NOL4: variants seen among roughly 807,000 people sequenced by gnomAD.
NOL4 encodes the protein cancer/testis antigen 125.
NOL4 carries 17 observed loss-of-function variants against 75.9 expected under a neutral mutation model. The ratio of observed to expected loss-of-function variants is 0.22; its 90% CI spans 0.15 to 0.34. The LOEUF (loss-of-function observed/expected upper bound fraction) is 0.34, where lower values mean the gene tolerates loss of function less well. Ranked by LOEUF, NOL4 falls within the 10% of genes least tolerant of loss-of-function variation. The probability of loss-of-function intolerance (pLI) is 1.00; values close to 1 mark genes in which losing one functional copy is unlikely to be tolerated. For missense variants in NOL4, 614 were observed against 793.5 expected, an observed-to-expected ratio of 0.77 and a Z score of 2.72; for synonymous variants, 292 against 289.9, an observed-to-expected ratio of 1.01 and a Z score of -0.07.
chr18:34,088,264 A>C (rs2145483150), intron 5 of NOL4, among the ~76,000 whole-genome samples: 1 of 152,222 alleles, frequency 6.6e-6, no homozygotes, highest in South Asian at 2.1e-4. Flanking sequence ...TTCTTTTGCC[A>C]GATATTTTTT....
intron 9 of NOL4, among the ~76,000 whole-genome samples, chr18:33,895,189 GA>G (rs2065325485): frequency 6.6e-6 from 1 of 151,868 alleles, no homozygotes; most frequent in Non-Finnish European, 1.5e-5. Context: ...TAGGCTTAAA[GA>G]AAAATACAAA....
At chr18:33,954,046 G>A (rs1001948712) in intron 8 of NOL4, among the ~76,000 whole-genome samples, 1 of 152,088 alleles carries the variant, frequency 6.6e-6, no homozygotes, top group African/African-American at 2.4e-5. Flanking sequence ...GTCATCCTTT[G>A]GTATCTGTGT....
At chr18:34,073,234 G>T (rs984943896) in intron 5 of NOL4, among the ~76,000 whole-genome samples, 21 of 151,934 alleles carry the variant, frequency 1.4e-4, no homozygotes, top group Non-Finnish European at 2.9e-5. Context: ...GGAATGAAAG[G>T]TGATATGACT....
At chr18:33,886,140 A>T (rs1269093961) in intron 9 of NOL4, among the ~76,000 whole-genome samples, 1 of 152,126 alleles carries the variant, frequency 6.6e-6, no homozygotes, top group Non-Finnish European at 1.5e-5. Context: ...TTATGGACAT[A>T]GAGAGTAGAA....
chr18:33,998,445 A>G (rs2073449238), intron 6 of NOL4, among the ~76,000 whole-genome samples: 1 of 152,114 alleles, frequency 6.6e-6, no homozygotes, highest in Non-Finnish European at 1.5e-5. Context: ...GTCAGGAATA[A>G]CAGATGAAGG....
intron 9 of NOL4, among the ~76,000 whole-genome samples, chr18:33,934,867 T>TG (rs2067953232): frequency 6.7e-6 from 1 of 150,356 alleles, no homozygotes; most frequent in African/African-American, 2.4e-5. Flanking sequence ...AGCACGTTTT[T>TG]TTTTTTTTTT....
At chr18:33,947,419 TA>T (rs1363897214) in intron 8 of NOL4, among the ~76,000 whole-genome samples, 1 of 151,738 alleles carries the variant, frequency 6.6e-6, no homozygotes, top group Non-Finnish European at 1.5e-5. Flanking sequence ...AGAGTGGCCA[TA>T]AAACACAAAG....
At chr18:34,219,927 C>T (rs2037181471) in intron 1 of NOL4, among the ~76,000 whole-genome samples, 1 of 152,224 alleles carries the variant, frequency 6.6e-6, no homozygotes, top group South Asian at 2.1e-4. Flanking sequence ...GCAGTCTAAA[C>T]ATCAGTGGCA....
At chr18:34,062,594 A>G (rs1322956945) in intron 5 of NOL4, among the ~76,000 whole-genome samples, 1 of 152,138 alleles carries the variant, frequency 6.6e-6, no homozygotes, top group Non-Finnish European at 1.5e-5. Flanking sequence ...AAAATTTCTA[A>G]GAAATAAATT....
chr18:33,904,734 A>G (rs549495956), intron 9 of NOL4, among the ~76,000 whole-genome samples: 1 of 152,280 alleles, frequency 6.6e-6, no homozygotes, highest in South Asian at 2.1e-4. Context: ...CCAACCTGAT[A>G]TCATATCCCC....
chr18:33,954,006 T>C (rs1269406630), intron 8 of NOL4, among the ~76,000 whole-genome samples: 1 of 152,158 alleles, frequency 6.6e-6, no homozygotes, highest in African/African-American at 2.4e-5. Context: ...AAGGTGGTCA[T>C]GTGATCTTTA....
chr18:34,186,834 A>AAAC (rs202225072), intron 1 of NOL4, among the ~76,000 whole-genome samples: 1 of 152,184 alleles, frequency 6.6e-6, no homozygotes, highest in Non-Finnish European at 1.5e-5. Flanking sequence ...TTTTTTAAAA[A>AAAC]AACAACAACA....
chr18:34,126,993 A>C (rs563827177), intron 2 of NOL4, among the ~76,000 whole-genome samples: 3 of 152,072 alleles, frequency 2.0e-5, no homozygotes, highest in African/African-American at 7.2e-5. Context: ...ATACAAATGC[A>C]ATAAAGAGAC....
intron 6 of NOL4, among the ~76,000 whole-genome samples, chr18:33,974,055 T>C (rs2071294028): frequency 6.6e-6 from 1 of 152,210 alleles, no homozygotes; most frequent in Admixed American, 6.5e-5. Context: ...AAAGGCTATC[T>C]TGTCTACATT....
At chr18:33,874,698 A>G (rs974422671) in intron 10 of NOL4, among the ~76,000 whole-genome samples, 2 of 151,970 alleles carry the variant, frequency 1.3e-5, no homozygotes, top group Non-Finnish European at 2.9e-5. Flanking sequence ...TGAAAAGTAA[A>G]AGGGAGGTAA....
At chr18:33,945,088 T>C (rs1015739338) in intron 8 of NOL4, among the ~76,000 whole-genome samples, 2 of 151,916 alleles carry the variant, frequency 1.3e-5, no homozygotes, top group Non-Finnish European at 2.9e-5. Context: ...ATTATTCAAA[T>C]AGGAGTGAGA....
chr18:33,972,923 G>A (rs1481899757), intron 6 of NOL4, among the ~76,000 whole-genome samples: 1 of 152,208 alleles, frequency 6.6e-6, no homozygotes, highest in African/African-American at 2.4e-5. Context: ...CGATCAGCAT[G>A]GTGATTGCTG....
intron 2 of NOL4, among the ~76,000 whole-genome samples, chr18:34,123,178 G>A (rs1371904717): frequency 7.0e-6 from 1 of 143,396 alleles, no homozygotes; most frequent in Non-Finnish European, 1.5e-5. Context: ...TAACAGATTT[G>A]CAGTATTACT....
At chr18:34,019,296 G>A (rs781012452) in intron 6 of NOL4, 22 bp downstream of exon 6, 97 of 1,599,596 alleles carry the variant, frequency 6.1e-5, no homozygotes, top group Admixed American at 1.9e-4. Context: ...CAAAAATTCT[G>A]GAAATTGTAA....
Sources: gnomAD v4.1 joint callset for allele counts (sites outside exome capture counted in the v4.1 genomes callset) on GRCh38, gnomAD v4.1.1 for gene constraint, MANE v1.5 for transcripts, NCBI Gene and HGNC (gene_info 2026-07-23, HGNC 2026-07-21) for gene names.